The following MASP1 variants were observed in gnomAD, a reference collection of about 807,000 sequenced individuals.
MASP1 encodes mannan-binding lectin serine protease 1.
In MASP1, 59 loss-of-function variants were observed where a neutral mutation model predicts 77.1. The ratio of observed to expected loss-of-function variants is 0.77; its 90% CI spans 0.62 to 0.95. The LOEUF is 0.95. Among genes scored for constraint, MASP1 ranks in the 40% least tolerant of loss-of-function variants. The pLI is 0.00. For missense variants in MASP1, 885 were observed against 912.9 expected (o/e 0.97, Z 0.39); for synonymous variants, 362 against 354.5 (o/e 1.02, Z -0.24).
chr3:187,244,849 C>T (rs1157525725), intron 8 of MASP1: 1 of 152,204 alleles, frequency 6.6e-6, no homozygotes, highest in African/African-American at 2.4e-5. Context: ...TTTACCTGGT[C>T]ATTTTGGGAA....
intron 2 of MASP1, among the ~76,000 whole-genome samples, chr3:187,268,549 T>TAGAAAAGAAAAGAAA (rs10663602): frequency 2.9e-5 from 4 of 137,348 alleles, no homozygotes; most frequent in Admixed American, 7.0e-5. Context: ...GAAAAGAAAA[T>TAGAAAAGAAAAGAAA]AGAAAAGAAA....
chr3:187,252,251 C>T (rs1714675649), intron 6 of MASP1, among the ~76,000 whole-genome samples: 1 of 152,222 alleles, frequency 6.6e-6, no homozygotes, highest in Non-Finnish European at 1.5e-5. Flanking sequence ...GGCACGGACT[C>T]TGCTGATTAC....
At chr3:187,221,827 T>G (rs536916189) in intron 14 of MASP1, among the ~76,000 whole-genome samples, 2 of 152,314 alleles carry the variant, frequency 1.3e-5, no homozygotes, top group African/African-American at 2.4e-5. Context: ...ATATATATAT[T>G]TTTTGCAATG....
At chr3:187,248,436 T>C (rs1714284102) in intron 8 of MASP1, among the ~76,000 whole-genome samples, 1 of 151,972 alleles carries the variant, frequency 6.6e-6, no homozygotes, top group African/African-American at 2.4e-5. Context: ...GGCCAAAGAG[T>C]CTGAATACAC....
At chr3:187,271,011 T>G (rs1049790650) in intron 2 of MASP1, among the ~76,000 whole-genome samples, 1 of 152,090 alleles carries the variant, frequency 6.6e-6, no homozygotes, top group African/African-American at 2.4e-5. Flanking sequence ...AGTGTTGGAG[T>G]GGTTTATCAC....
chr3:187,254,275 A>T (rs1714880172), intron 5 of MASP1, among the ~76,000 whole-genome samples: 1 of 152,250 alleles, frequency 6.6e-6, no homozygotes, highest in African/African-American at 2.4e-5. Flanking sequence ...AATCATTCCT[A>T]TAATGGTAAT....
intron 2 of MASP1, chr3:187,263,049 C>T: frequency 3.0e-6 from 1 of 328,672 alleles, no homozygotes; most frequent in East Asian, 7.6e-5. Context: ...AGATTCTCTG[C>T]ACAACAGGAA....
intron 8 of MASP1, chr3:187,244,707 A>G (rs921502180): frequency 6.6e-6 from 1 of 152,210 alleles, no homozygotes; most frequent in Non-Finnish European, 1.5e-5. Context: ...AGTAAATGGA[A>G]CTAGTGGTTC....
chr3:187,230,165 C>T (rs757323938), downstream of MASP1, among the ~76,000 whole-genome samples: 4 of 152,224 alleles, frequency 2.6e-5, no homozygotes, highest in Non-Finnish European at 5.9e-5. Context: ...TTTCTGGTCA[C>T]AGCAATTGCT....
At chr3:187,240,155 T>C (rs1295097516) in intron 10 of MASP1, among the ~76,000 whole-genome samples, 1 of 114,332 alleles carries the variant, frequency 8.7e-6, no homozygotes, top group Non-Finnish European at 1.9e-5. Context: ...AACCTCTTTT[T>C]CTGTGTAAAT....
Position 187,256,692 on chromosome 3 carries a change from T to C in MASP1, c.716A>G (p.Glu239Gly). ...EDIFDIEDHP[E>G]VPCPYDYIKI... is the part of the protein sequence containing the mutation. ...GATGTAGTCATAGGGGCAGGGCACC[T>C]CAGGATGGTCCTCAATGTCAAATAT... Residue 239 changes from glutamate (E) to glycine (G), a missense_variant, in exon 5 of 11, where the codon GAG becomes GGG. Coordinates refer to ENST00000296280, the MANE Select transcript of MASP1 (RefSeq NM_139125.4). 6.2e-7 allele frequency: 1 copy of C among 1,614,014 alleles called. No individual in the cohort carries two copies. Among genetic ancestry groups the C allele is most frequent in the African/African-American group, 1.3e-5 (1 of 74,984 alleles).
At chr3:187,241,195 C>T (rs1713604655) in intron 10 of MASP1, among the ~76,000 whole-genome samples, 2 of 152,148 alleles carry the variant, frequency 1.3e-5, no homozygotes, top group African/African-American at 2.4e-5. Context: ...CCCGGCACAA[C>T]AGCAGATGCA....
chr3:187,267,276 G>A (rs1178528419), intron 2 of MASP1, among the ~76,000 whole-genome samples: 1 of 152,184 alleles, frequency 6.6e-6, no homozygotes, highest in Non-Finnish European at 1.5e-5. Flanking sequence ...TCATGACTTT[G>A]TTTGTCAATG....
At chr3:187,250,211 G>A in intron 8 of MASP1, 40 bp downstream of exon 8, 1 of 1,525,282 alleles carries the variant, frequency 6.6e-7, no homozygotes, top group South Asian at 1.1e-5. Context: ...CAGTGCTGGG[G>A]AGCTCAGTAT....
Position 187,250,258 on chromosome 3 carries a change from G to T in MASP1, c.1083C>A (p.Thr361=). The T allele has an allele frequency of 6.2e-7, 1 of 1,613,352 alleles. No homozygotes were observed. The highest frequency in any genetic ancestry group is 1.7e-4 in the Middle Eastern group (1 of 6,058). ...KDGTWSNKIP[T]CKIVDCRAPG... ...CCCATTAGGCTTTCTTACTTTTACA[G>T]GTGGGAATCTTGTTACTCCACGTCC... Residue 361 remains threonine, a synonymous_variant, in exon 8 of 11, where the codon ACC becomes ACA. Transcript: ENST00000296280.
chr3:187,291,270 G>A (rs1464690429), intron 1 of MASP1: 4 of 406,678 alleles, frequency 9.8e-6, no homozygotes, highest in Non-Finnish European at 1.9e-5. Context: ...AGAAAGCAAT[G>A]CTCTTTCCAG....
chr3:187,226,508 A>G, exon 12 of MASP1: 1 of 1,609,544 alleles, frequency 6.2e-7, no homozygotes, highest in Non-Finnish European at 8.5e-7. Flanking sequence ...GGCGGTCACG[A>G]TCCAGCTGGA....
chr3:187,258,232 G>T (rs698095), intron 4 of MASP1, among the ~76,000 whole-genome samples: 1 of 152,108 alleles, frequency 6.6e-6, no homozygotes, highest in Non-Finnish European at 1.5e-5. Flanking sequence ...AGCCATAACT[G>T]TAGCTTTGAA....
rs950180277 is a variant in MASP1 at position 187,256,725 on chromosome 3, A to G, written c.683T>C (p.Phe228Ser). Residue 228 changes from phenylalanine (F) to serine (S), a missense_variant, in exon 5 of 11, where the codon TTT (phenylalanine) becomes TCT (serine). By Grantham distance (155) the Phe-to-Ser change is radical (BLOSUM62 -2). Coordinates refer to ENST00000296280, the MANE Select transcript of MASP1 (RefSeq NM_139125.4). ...LEEGFMVNLQFEDIFDIEDHP... is the reference protein window; with the variant it reads ...LEEGFMVNLQSEDIFDIEDHP... Reference sequence around the variant, plus strand: ...GTCCTCAATGTCAAATATGTCCTCAAACTGCAGGTTGACCATGAAACCCTC... The same window carrying G: ...GTCCTCAATGTCAAATATGTCCTCAGACTGCAGGTTGACCATGAAACCCTC... 1 of 1,613,966 alleles carries G rather than the reference A, an allele frequency of 6.2e-7. No homozygotes were observed. The highest frequency in any genetic ancestry group is 2.2e-5 in the East Asian group (1 of 44,852).
Sources: gnomAD v4.1 joint callset for allele counts (sites outside exome capture counted in the v4.1 genomes callset) on GRCh38, gnomAD v4.1.1 for gene constraint, MANE v1.5 for transcripts, NCBI Gene and HGNC (gene_info 2026-07-23, HGNC 2026-07-21) for gene names.